MCF2L: variants seen among roughly 807,000 people sequenced by gnomAD.
MCF2L encodes the protein guanine nucleotide exchange factor DBS.
In MCF2L, 97 loss-of-function variants were observed where a neutral mutation model predicts 153.4. The ratio of observed to expected loss-of-function variants is 0.63; its 90% CI spans 0.54 to 0.75. MCF2L has a LOEUF of 0.75. MCF2L is among the 30% of genes least tolerant of loss of function. MCF2L has a pLI of 0.00. For missense variants in MCF2L, 1,347 were observed against 1,495.2 expected, an observed-to-expected ratio of 0.90 and a Z score of 1.64; for synonymous variants, 659 against 632.2, an observed-to-expected ratio of 1.04 and a Z score of -0.64.
chr13:112,917,263 C>A (rs569527398), intron 2 of MCF2L: 2 of 450,714 alleles, frequency 4.4e-6, no homozygotes, highest in Non-Finnish European at 9.1e-6. Context: ...CCCAGAGCCG[C>A]GTCATCCACT....
At chr13:113,096,246 G>A in intron 27 of MCF2L, 125 bp from the exon 28 acceptor site, 2 of 717,164 alleles carry the variant, frequency 2.8e-6, no homozygotes, top group East Asian at 5.4e-5. Context: ...CTTCCCCGGA[G>A]CTGGTCGTGG....
At chr13:113,089,169 G>GC (rs59023747) in intron 25 of MCF2L, among the ~76,000 whole-genome samples, 1,000 of 65,912 alleles carry the variant, frequency 0.015, 35 homozygotes, top group Admixed American at 0.019. Flanking sequence ...ACACTCCCCC[G>GC]CCCCCCCCCC....
chr13:112,902,220 A>T (rs2081126104), exon 2 of MCF2L: 1 of 1,612,540 alleles, frequency 6.2e-7, no homozygotes. Context: ...ACTGTTGGAG[A>T]TTTATCCTGT....
rs1283295823 is a variant in MCF2L, at chr13:113,008,525, T to G, written c.80-6238T>G. Among the ~76,000 whole-genome samples the G allele has an allele frequency of 3.9e-5, 6 of 152,268 alleles. No homozygotes were observed. The East Asian group carries it at 1.2e-3, about 29-fold the overall frequency. On this transcript the variant is annotated intron_variant, in intron 1 of 29. Transcript: ENST00000535094. ...CAAACTGTCTTTAAGACAGAAAAAG[T>G]TGGGTAATTCTTCATCTATTTGAAG...
chr13:113,026,863 C>T (rs765127070), intron 3 of MCF2L: 1 of 731,298 alleles, frequency 1.4e-6, no homozygotes, highest in Non-Finnish European at 2.5e-6. Flanking sequence ...TTCTGTGTCT[C>T]CCCAGCGGCG....
At chr13:113,062,407 C>T (rs545152233) in intron 5 of MCF2L, among the ~76,000 whole-genome samples, 1 of 152,134 alleles carries the variant, frequency 6.6e-6, no homozygotes, top group African/African-American at 2.4e-5. Flanking sequence ...GTGTTATGGC[C>T]CTTATGATGG....
chr13:113,060,016 G>T (rs1464398655), intron 4 of MCF2L, among the ~76,000 whole-genome samples: 1 of 152,236 alleles, frequency 6.6e-6, no homozygotes, highest in Non-Finnish European at 1.5e-5. Flanking sequence ...GGCGGAGTCT[G>T]AACTCAGGTG....
chr13:112,963,880 G>A (rs2081862229), intron 2 of MCF2L, among the ~76,000 whole-genome samples: 1 of 152,224 alleles, frequency 6.6e-6, no homozygotes, highest in Non-Finnish European at 1.5e-5. Context: ...CTCCTCCACT[G>A]GCTTCAGTGT....
intron 2 of MCF2L, among the ~76,000 whole-genome samples, chr13:112,929,529 G>T (rs1017485720): frequency 1.3e-5 from 2 of 152,218 alleles, no homozygotes; most frequent in Non-Finnish European, 2.9e-5. Flanking sequence ...GAGTTCATTT[G>T]AAACTCATTT....
At chr13:112,912,606 C>T (rs1242286706) in intron 2 of MCF2L, among the ~76,000 whole-genome samples, 1 of 152,234 alleles carries the variant, frequency 6.6e-6, no homozygotes, top group African/African-American at 2.4e-5. Flanking sequence ...TGTGAGTCCA[C>T]CATGCCTGGC....
At chr13:112,897,129 C>T (rs2081075030) in intron 1 of MCF2L, among the ~76,000 whole-genome samples, 1 of 152,196 alleles carries the variant, frequency 6.6e-6, no homozygotes, top group Admixed American at 6.5e-5. Context: ...GTCCAGGGGC[C>T]TTGGTGGCCT....
chr13:113,062,298 T>G (rs1452901469), intron 5 of MCF2L, among the ~76,000 whole-genome samples: 1 of 151,904 alleles, frequency 6.6e-6, no homozygotes, highest in Non-Finnish European at 1.5e-5. Flanking sequence ...GCTCCTCTCG[T>G]GATGGCGTGT....
In MCF2L at chr13:112,896,555, A is replaced by G. The variant is rs2081070230; in HGVS notation, c.-5+2124A>G. On this transcript the variant is annotated intron_variant, in intron 1 of 29. Coordinates refer to the MCF2L transcript ENST00000375608. ...CATGGAGGAGATGAGTCGTGTAGAT[A>G]GACTGGCCAGGAACGCCACCGGTTG... 2.0e-5 allele frequency among the ~76,000 whole-genome samples: 3 copies of G among 151,830 alleles called. No homozygotes were observed. The South Asian group carries it at 6.2e-4, about 32-fold the overall frequency.
chr13:112,959,620 T>G lies in MCF2L; in HGVS notation c.170-55143T>G, dbSNP rs544970646. Among the ~76,000 whole-genome samples, 6 of 152,332 alleles carry G rather than the reference T, an allele frequency of 3.9e-5. No individual in the cohort carries two copies. The East Asian group carries it at 1.2e-3, about 29-fold the overall frequency. On this transcript the variant is annotated intron_variant, in intron 2 of 29. Coordinates refer to the MCF2L transcript ENST00000375608. ...TTCAAAGGTATTCTCCATGTTTCCATGCGTTTGACTTCTAGGTTAGATTTT... is the reference window on the plus strand; with the variant it reads ...TTCAAAGGTATTCTCCATGTTTCCAGGCGTTTGACTTCTAGGTTAGATTTT...
At chr13:112,978,311 G>A (rs773816316) in intron 1 of MCF2L, among the ~76,000 whole-genome samples, 3 of 152,166 alleles carry the variant, frequency 2.0e-5, no homozygotes, top group East Asian at 1.9e-4. Context: ...GACAGCAAGC[G>A]TCCAGCTGCT....
At position 113,086,175 on chromosome 13, in the gene MCF2L, G is replaced by C; in HGVS notation, c.2299G>C (p.Ala767Pro). Reference sequence around the variant, plus strand: ...CGAGGGGGCTGAGGACCTGCAGGAGGCGCTGAGCTCCATCCTGGGCATCCT... The same window carrying C: ...CGAGGGGGCTGAGGACCTGCAGGAGCCGCTGAGCTCCATCCTGGGCATCCT... Reference protein sequence around the residue: ...NCEGAEDLQEALSSILGILKA... With the variant: ...NCEGAEDLQEPLSSILGILKA... Residue 767 changes from alanine (A) to proline (P), a missense_variant, in exon 21 of 30, where the codon GCG (alanine) becomes CCG (proline). Around this residue, in one of 3 missense-constraint regions of MCF2L, gnomAD observed 144 missense variants for 238.7 expected, o/e 0.60. Transcript: ENST00000535094. 6.2e-7 allele frequency: 1 copy of C among 1,610,838 alleles called. No homozygotes were observed. The highest frequency in any genetic ancestry group is 8.5e-7 in the Non-Finnish European group (1 of 1,178,670).
chr13:113,002,480 C>T (rs1349276948), intron 1 of MCF2L, among the ~76,000 whole-genome samples: 1 of 152,258 alleles, frequency 6.6e-6, no homozygotes, highest in African/African-American at 2.4e-5. Flanking sequence ...CAAGGCGTGA[C>T]AAGCTGCCCT....
At chr13:112,913,560 G>T (rs1219182368) in intron 2 of MCF2L, among the ~76,000 whole-genome samples, 1 of 152,140 alleles carries the variant, frequency 6.6e-6, no homozygotes, top group East Asian at 1.9e-4. Context: ...CGGTGTGAGA[G>T]GATGGGCTGC....
chr13:113,081,765 CAGCG>C (rs2034154896), intron 16 of MCF2L, among the ~76,000 whole-genome samples: 1 of 152,220 alleles, frequency 6.6e-6, no homozygotes, highest in South Asian at 2.1e-4. Flanking sequence ...TGAGTGTAGA[CAGCG>C]AGTGTGCACA....
Sources: allele counts gnomAD v4.1 joint callset (sites outside exome capture counted in the v4.1 genomes callset), GRCh38; gene constraint gnomAD v4.1.1; regional missense constraint gnomAD v4.1.1; transcripts MANE v1.5; gene names NCBI Gene and HGNC (gene_info 2026-07-23, HGNC 2026-07-21).